FRMPD4: variants seen among roughly 807,000 people sequenced by gnomAD.
The protein encoded by FRMPD4 is FERM and PDZ domain containing 4, also known as FERM and PDZ domain-containing protein 4.
In FRMPD4, 22 loss-of-function variants were observed where a neutral mutation model predicts 94.1. That is an observed-to-expected ratio of 0.23 (90% CI 0.17 to 0.33). The LOEUF (loss-of-function observed/expected upper bound fraction) is 0.33. Ranked by LOEUF, FRMPD4 falls within the 10% of genes least tolerant of loss-of-function variation. The pLI is 1.00. For synonymous variants in FRMPD4, 631 were observed against 548.6 expected, an observed-to-expected ratio of 1.15 and a Z score of -2.10; for missense variants, 1,111 against 1,339.9, an observed-to-expected ratio of 0.83 and a Z score of 2.67.
intron 1 of FRMPD4, among the ~76,000 whole-genome samples, chrX:12,163,395 T>G (rs374076559): frequency 1.3e-5 from 1 of 79,920 alleles, no homozygotes; most frequent in Non-Finnish European, 2.2e-5. Flanking sequence ...ATAAGCCCAG[T>G]TTTTTTTATC....
intron 3 of FRMPD4, among the ~76,000 whole-genome samples, chrX:12,079,853 T>G (rs912352479): frequency 8.9e-6 from 1 of 112,515 alleles, no homozygotes; most frequent in African/African-American, 3.2e-5. Flanking sequence ...AGAGACCTAT[T>G]AATAATCTAT....
chrX:11,944,249 G>A (rs187211596), intron 3 of FRMPD4, among the ~76,000 whole-genome samples: 6 of 112,052 alleles, frequency 5.4e-5, no homozygotes, highest in Non-Finnish European at 1.1e-4. Context: ...AGGAGTGAAA[G>A]TAAAATATTT....
chrX:12,458,069 T>A (rs150399257), intron 1 of FRMPD4, among the ~76,000 whole-genome samples: 34 of 111,948 alleles, frequency 3.0e-4, no homozygotes, highest in African/African-American at 1.1e-3. Flanking sequence ...ACCTGGAATT[T>A]TAGAAGTTGC....
intron 14 of FRMPD4, among the ~76,000 whole-genome samples, chrX:12,715,579 C>T (rs779244779): frequency 8.9e-6 from 1 of 112,022 alleles, no homozygotes; most frequent in African/African-American, 3.2e-5. Context: ...GATCCTTGAC[C>T]GTCTCTGAAT....
At chrX:12,096,446 T>G (rs914016947) in intron 3 of FRMPD4, among the ~76,000 whole-genome samples, 1 of 111,980 alleles carries the variant, frequency 8.9e-6, no homozygotes, top group Non-Finnish European at 1.9e-5. Context: ...AGTTTTAACT[T>G]TATTACCCAA....
chrX:12,106,350 A>G (rs1488689434), intron 3 of FRMPD4, among the ~76,000 whole-genome samples: 1 of 111,749 alleles, frequency 8.9e-6, no homozygotes, highest in African/African-American at 3.3e-5. Context: ...CAGATTCATG[A>G]GTTAATATAC....
chrX:12,552,857 T>C (rs906410885), intron 2 of FRMPD4, among the ~76,000 whole-genome samples: 19 of 112,609 alleles, frequency 1.7e-4, no homozygotes, highest in Non-Finnish European at 3.4e-4. Context: ...TCTGTGTATA[T>C]ATCCTTTTTG....
intron 1 of FRMPD4, among the ~76,000 whole-genome samples, chrX:12,407,856 T>C (rs1449172938): frequency 9.0e-6 from 1 of 111,467 alleles, no homozygotes; most frequent in Non-Finnish European, 1.9e-5. Context: ...GCACAGACCA[T>C]AGTTTGCCAA....
At chrX:11,957,578 T>G (rs141850375) in intron 3 of FRMPD4, among the ~76,000 whole-genome samples, 193 of 104,527 alleles carry the variant, frequency 1.8e-3, no homozygotes, top group African/African-American at 6.3e-3. Flanking sequence ...ACCACTGATT[T>G]ATATGGAGTA....
intron 5 of FRMPD4, among the ~76,000 whole-genome samples, chrX:12,680,746 T>C (rs2059962824): frequency 9.0e-6 from 1 of 111,687 alleles, no homozygotes; most frequent in Non-Finnish European, 1.9e-5. Context: ...TTCTCATTAT[T>C]GCATCGTAAA....
chrX:12,522,907 A>T (rs1267603429), intron 2 of FRMPD4, among the ~76,000 whole-genome samples: 1 of 111,712 alleles, frequency 9.0e-6, no homozygotes, highest in Non-Finnish European at 1.9e-5. Context: ...CCAGCTGGCA[A>T]TTGATTGTCT....
At chrX:12,011,345 A>G (rs1302627681) in intron 3 of FRMPD4, among the ~76,000 whole-genome samples, 1 of 111,729 alleles carries the variant, frequency 9.0e-6, no homozygotes, top group East Asian at 2.8e-4. Flanking sequence ...GCAGGAACTA[A>G]CTTTCTAGAG....
chrX:12,018,094 T>C (rs899471670), intron 3 of FRMPD4, among the ~76,000 whole-genome samples: 28 of 110,744 alleles, frequency 2.5e-4, no homozygotes, highest in African/African-American at 9.2e-4. Flanking sequence ...TTTGCATTAG[T>C]TTTTTAGGGC....
chrX:11,980,517 T>G (rs1033611359), intron 3 of FRMPD4, among the ~76,000 whole-genome samples: 7 of 111,920 alleles, frequency 6.3e-5, no homozygotes, highest in African/African-American at 2.3e-4. Context: ...TTCTTAATTT[T>G]GTTAATTAGC....
intron 1 of FRMPD4, among the ~76,000 whole-genome samples, chrX:12,364,951 C>G (rs903019498): frequency 8.9e-6 from 1 of 112,512 alleles, no homozygotes; most frequent in Non-Finnish European, 1.9e-5. Flanking sequence ...GGTAGGCTTC[C>G]AGCTCCTGAC....
intron 1 of FRMPD4, among the ~76,000 whole-genome samples, chrX:12,236,516 A>G (rs2057072555): frequency 8.9e-6 from 1 of 111,903 alleles, no homozygotes; most frequent in African/African-American, 3.2e-5. Flanking sequence ...ATAGGGTTTC[A>G]TAAATGTTTA....
intron 1 of FRMPD4, among the ~76,000 whole-genome samples, chrX:11,823,775 C>T (rs1219870786): frequency 2.7e-5 from 3 of 111,794 alleles, no homozygotes. Flanking sequence ...ATTATTGTTC[C>T]TTGGGTTTCT....
chrX:12,591,582 A>C, intron 2 of FRMPD4, among the ~76,000 whole-genome samples: 1 of 112,396 alleles, frequency 8.9e-6, no homozygotes. Context: ...TTCATTATTT[A>C]TACATTATCT....
intron 1 of FRMPD4, among the ~76,000 whole-genome samples, chrX:11,846,754 A>C (rs1309967502): frequency 9.1e-6 from 1 of 109,496 alleles, no homozygotes; most frequent in African/African-American, 3.3e-5. Context: ...GATCTTTGGC[A>C]AACCTGAGAA....
Sources: allele counts gnomAD v4.1 joint callset (sites outside exome capture counted in the v4.1 genomes callset), GRCh38; gene constraint gnomAD v4.1.1; transcripts MANE v1.5; gene names NCBI Gene and HGNC (gene_info 2026-07-23, HGNC 2026-07-21).